The following LRBA variants were observed in gnomAD, a reference collection of about 807,000 sequenced individuals.
LRBA encodes the protein lipopolysaccharide-responsive and beige-like anchor protein.
In LRBA, 176 loss-of-function variants were observed where a neutral mutation model predicts 330.0. That is an observed-to-expected ratio of 0.53 (90% CI 0.47 to 0.60). The LOEUF is 0.60. Ranked by LOEUF, LRBA falls within the 20% of genes least tolerant of loss-of-function variation. LRBA has a pLI of 0.00. For missense variants in LRBA, 3,259 were observed against 3,444.8 expected (o/e 0.95, Z 1.35); for synonymous variants, 1,230 against 1,193.0 (o/e 1.03, Z -0.64).
intron 46 of LRBA, among the ~76,000 whole-genome samples, chr4:150,431,142 A>G (rs1370172723): frequency 6.6e-6 from 1 of 152,234 alleles, no homozygotes; most frequent in African/African-American, 2.4e-5. Flanking sequence ...AGGCTGAAGA[A>G]AGTAAACTAT....
At chr4:150,896,234 A>C (rs964364268) in intron 16 of LRBA, among the ~76,000 whole-genome samples, 160 bp downstream of exon 16, 1 of 152,180 alleles carries the variant, frequency 6.6e-6, no homozygotes, top group Non-Finnish European at 1.5e-5. Context: ...GTAATAAAGG[A>C]TATTTAAATA....
intron 2 of LRBA, among the ~76,000 whole-genome samples, chr4:150,995,880 A>G (rs934263885): frequency 2.0e-5 from 3 of 152,182 alleles, no homozygotes; most frequent in Admixed American, 6.5e-5. Flanking sequence ...TATAGAAGCC[A>G]GAGCAGAGCT....
At chr4:150,401,510 C>T (rs1745465511) in intron 47 of LRBA, among the ~76,000 whole-genome samples, 1 of 152,096 alleles carries the variant, frequency 6.6e-6, no homozygotes, top group Admixed American at 6.5e-5. Context: ...TTTGTAATGG[C>T]AGCCCTAGGA....
intron 37 of LRBA, among the ~76,000 whole-genome samples, chr4:150,606,245 T>C (rs1260748036): frequency 6.6e-6 from 1 of 152,268 alleles, no homozygotes; most frequent in East Asian, 1.9e-4. Context: ...AGTAAAGTTA[T>C]GAGACTATCA....
At chr4:150,903,595 C>T (rs1361311037) in intron 13 of LRBA, among the ~76,000 whole-genome samples, 3 of 151,916 alleles carry the variant, frequency 2.0e-5, no homozygotes, top group African/African-American at 7.3e-5. Context: ...CAAAAATTAG[C>T]TGTGTGTGGT....
At chr4:150,348,180 T>C (rs189734377) in intron 48 of LRBA, among the ~76,000 whole-genome samples, 1 of 152,262 alleles carries the variant, frequency 6.6e-6, no homozygotes, top group Admixed American at 6.5e-5. Context: ...GTGGGGACAG[T>C]GGTCAATCCA....
At chr4:150,792,203 TAAA>T (rs397879893) in intron 34 of LRBA, among the ~76,000 whole-genome samples, 2 of 139,128 alleles carry the variant, frequency 1.4e-5, no homozygotes, top group Non-Finnish European at 1.6e-5. Context: ...AAGTTTTAGT[TAAA>T]AAAAAAAAAA....
chr4:150,972,034 A>G (rs1374580787), intron 2 of LRBA, among the ~76,000 whole-genome samples: 7 of 152,186 alleles, frequency 4.6e-5, no homozygotes, highest in Non-Finnish European at 7.4e-5. Flanking sequence ...ATATTTATAG[A>G]TTCTCTTATA....
chr4:150,798,820 G>C (rs1213520661), intron 33 of LRBA, among the ~76,000 whole-genome samples: 1 of 151,970 alleles, frequency 6.6e-6, no homozygotes, highest in African/African-American at 2.4e-5. Context: ...TAGTTCATTA[G>C]TATCTTAACA....
intron 46 of LRBA, among the ~76,000 whole-genome samples, chr4:150,428,205 T>C (rs1034072160): frequency 2.9e-4 from 44 of 152,088 alleles, no homozygotes; most frequent in African/African-American, 1.1e-3. Context: ...TTCTATTTAC[T>C]TAACTGTAAA....
At chr4:150,721,223 A>G in intron 36 of LRBA, 1 of 448,914 alleles carries the variant, frequency 2.2e-6, no homozygotes, top group Admixed American at 3.4e-5. Flanking sequence ...TAGAAACCCA[A>G]GAAGTTTCTA....
chr4:150,889,331 A>C (rs950363286), intron 17 of LRBA, among the ~76,000 whole-genome samples: 1 of 152,140 alleles, frequency 6.6e-6, no homozygotes, highest in Non-Finnish European at 1.5e-5. Context: ...AAATGGCTTA[A>C]ATGTTAATCT....
chr4:150,840,141 G>A (rs1444119877), intron 28 of LRBA, among the ~76,000 whole-genome samples: 1 of 152,182 alleles, frequency 6.6e-6, no homozygotes, highest in Non-Finnish European at 1.5e-5. Flanking sequence ...TGGCCTAAGT[G>A]TGCCTGGTTG....
At chr4:150,435,266 G>A (rs919241575) in intron 46 of LRBA, among the ~76,000 whole-genome samples, 24 of 152,050 alleles carry the variant, frequency 1.6e-4, no homozygotes, top group African/African-American at 3.6e-4. Context: ...CAGAAGAATC[G>A]CTTGAACCCT....
intron 36 of LRBA, among the ~76,000 whole-genome samples, chr4:150,691,633 A>C (rs1784147719): frequency 6.6e-6 from 1 of 152,226 alleles, no homozygotes; most frequent in Non-Finnish European, 1.5e-5. Flanking sequence ...TTTGGAAAAT[A>C]GTTTGTCAAT....
At chr4:150,454,866 G>A (rs1256213924) in intron 44 of LRBA, among the ~76,000 whole-genome samples, 2 of 151,826 alleles carry the variant, frequency 1.3e-5, no homozygotes, top group African/African-American at 4.8e-5. Flanking sequence ...ACTTCACTTA[G>A]GATAATGACC....
At chr4:150,607,481 T>C (rs1024497540) in intron 37 of LRBA, among the ~76,000 whole-genome samples, 4 of 151,408 alleles carry the variant, frequency 2.6e-5, no homozygotes, top group Admixed American at 1.3e-4. Flanking sequence ...TAAATACAGG[T>C]TAAACAGGCC....
intron 11 of LRBA, among the ~76,000 whole-genome samples, chr4:150,907,230 G>C (rs1253443286): frequency 4.6e-5 from 5 of 109,218 alleles, no homozygotes; most frequent in Non-Finnish European, 9.6e-5. Flanking sequence ...TACGGGGGGA[G>C]GGGGGAGGGA....
At chr4:150,522,674 T>C (rs1763046510) in intron 40 of LRBA, among the ~76,000 whole-genome samples, 1 of 152,214 alleles carries the variant, frequency 6.6e-6, no homozygotes, top group Non-Finnish European at 1.5e-5. Context: ...ACCCCAGCTA[T>C]AGCTGAGGAA....
Sources: allele counts gnomAD v4.1 joint callset (sites outside exome capture counted in the v4.1 genomes callset), GRCh38; gene constraint gnomAD v4.1.1; transcripts MANE v1.5; gene names NCBI Gene and HGNC (gene_info 2026-07-23, HGNC 2026-07-21).